Variants in SPPL3 observed in about 807,000 individuals in gnomAD.
SPPL3 encodes the protein signal peptide peptidase like 3, also known as signal peptide peptidase-like 3.
In SPPL3, 5 loss-of-function variants were observed where a neutral mutation model predicts 42.4. The ratio of observed to expected loss-of-function variants is 0.12; its 90% CI spans 0.06 to 0.25. The LOEUF (loss-of-function observed/expected upper bound fraction) is 0.25. Among genes scored for constraint, SPPL3 ranks in the 10% least tolerant of loss-of-function variants. The probability of loss-of-function intolerance (pLI) is 1.00; values close to 1 mark genes in which losing one functional copy is unlikely to be tolerated. For missense variants in SPPL3, 235 were observed against 489.0 expected, an observed-to-expected ratio of 0.48 and a Z score of 4.90; for synonymous variants, 195 against 181.8, an observed-to-expected ratio of 1.07 and a Z score of -0.58.
chr12:120,780,564 C>CA (rs1869492446), intron 6 of SPPL3, among the ~76,000 whole-genome samples: 1 of 133,222 alleles, frequency 7.5e-6, no homozygotes, highest in Non-Finnish European at 1.6e-5. Context: ...GCCTGGGCAA[C>CA]ATGAAGACAC....
At position 120,764,111 on chromosome 12, in the gene SPPL3, G is replaced by A. The variant is rs1868781931; in HGVS notation, c.*888C>T. The A allele has an allele frequency of 6.6e-6, 1 of 152,504 alleles. No homozygotes were observed. The highest frequency in any genetic ancestry group is 1.5e-5 in the Non-Finnish European group (1 of 68,044). The allele number at this position is 152,504 out of a possible 1,614,324, so 9.4% of individuals were successfully genotyped here. ...CCAAGTAAGGGCTCCTGAAGTCCAT[G>A]AGTCTATCATCAATCAGCACAAATG... On this transcript the variant is annotated 3_prime_UTR_variant, in exon 11 of 11. Coordinates refer to ENST00000353487, the MANE Select transcript of SPPL3 (RefSeq NM_139015.5).
intron 1 of SPPL3, among the ~76,000 whole-genome samples, chr12:120,884,550 T>G (rs1188294387): frequency 1.4e-5 from 2 of 143,706 alleles, no homozygotes; most frequent in Non-Finnish European, 3.0e-5. Context: ...TTGTATAATT[T>G]AAAAAAAAAA....
At chr12:120,781,555 GTTTTTTTTTTTTTTTTTTTTT>G (rs527339173) in intron 6 of SPPL3, among the ~76,000 whole-genome samples, 5 of 62,992 alleles carry the variant, frequency 7.9e-5, no homozygotes, top group African/African-American at 2.7e-4. Context: ...TTATTGTTAC[GTTTTTTTTTTTTTTTTTTTTT>G]TTTTTTTTTT....
intron 1 of SPPL3, among the ~76,000 whole-genome samples, chr12:120,869,325 G>C (rs1872853377): frequency 1.3e-5 from 2 of 152,122 alleles, no homozygotes. Flanking sequence ...CTCACTCCTT[G>C]ATTTACACAA....
chr12:120,890,893 C>T (rs972091237), intron 1 of SPPL3, among the ~76,000 whole-genome samples: 1 of 152,172 alleles, frequency 6.6e-6, no homozygotes, highest in African/African-American at 2.4e-5. Context: ...CCGATGCTCT[C>T]AACAGCTAAC....
intron 3 of SPPL3, among the ~76,000 whole-genome samples, chr12:120,789,143 T>C (rs898435943): frequency 6.6e-6 from 1 of 152,188 alleles, no homozygotes; most frequent in South Asian, 2.1e-4. Flanking sequence ...TAGTACAACA[T>C]AGCTGGCAGA....
At chr12:120,827,659 C>T (rs937032440) in intron 1 of SPPL3, among the ~76,000 whole-genome samples, 9 of 152,200 alleles carry the variant, frequency 5.9e-5, no homozygotes, top group Non-Finnish European at 8.8e-5. Context: ...CTAGCTCAAC[C>T]TGGCTTGTGC....
chr12:120,783,161 C>T (rs973782724), intron 5 of SPPL3, among the ~76,000 whole-genome samples: 1 of 152,148 alleles, frequency 6.6e-6, no homozygotes, highest in African/African-American at 2.4e-5. Flanking sequence ...ATCACTAATT[C>T]CTGCGAGCAT....
chr12:120,794,280 T>C (rs1870024081), intron 2 of SPPL3, among the ~76,000 whole-genome samples: 1 of 152,208 alleles, frequency 6.6e-6, no homozygotes, highest in Non-Finnish European at 1.5e-5. Context: ...CTATTTTTTT[T>C]TTAATCCTAA....
At chr12:120,832,371 A>C (rs922513791) in intron 1 of SPPL3, among the ~76,000 whole-genome samples, 1 of 152,152 alleles carries the variant, frequency 6.6e-6, no homozygotes, top group Non-Finnish European at 1.5e-5. Flanking sequence ...CCACCTCTTA[A>C]AGAAAATGAG....
At chr12:120,785,660 TCTATAATAATG>T (rs1869696316) in intron 3 of SPPL3, among the ~76,000 whole-genome samples, 1 of 151,814 alleles carries the variant, frequency 6.6e-6, no homozygotes, top group African/African-American at 2.4e-5. Context: ...CTTCATATGA[TCTATAATAATG>T]AAATAATAGA....
chr12:120,797,089 C>G (rs775898832), intron 2 of SPPL3, among the ~76,000 whole-genome samples: 1 of 152,130 alleles, frequency 6.6e-6, no homozygotes, highest in Non-Finnish European at 1.5e-5. Context: ...ATTTCTTGAA[C>G]CCGGGAGGTG....
chr12:120,826,048 C>G (rs2137012959), intron 1 of SPPL3, among the ~76,000 whole-genome samples: 1 of 152,200 alleles, frequency 6.6e-6, no homozygotes, highest in Middle Eastern at 3.4e-3. Flanking sequence ...AATCCCAGCA[C>G]TTTGGGAGGC....
At chr12:120,890,588 CAAA>C (rs34253596) in intron 1 of SPPL3, among the ~76,000 whole-genome samples, 5,010 of 91,296 alleles carry the variant, frequency 0.055, 108 homozygotes, top group South Asian at 0.14. Context: ...GACTCCGTCT[CAAA>C]AAAAAAAAAA....
intron 1 of SPPL3, among the ~76,000 whole-genome samples, chr12:120,870,470 T>C (rs1014508011): frequency 1.3e-5 from 2 of 151,654 alleles, no homozygotes; most frequent in Non-Finnish European, 2.9e-5. Context: ...GATACAAAGA[T>C]AAATGCAAAA....
chr12:120,835,748 C>A (rs1177067629), intron 1 of SPPL3: 1 of 152,142 alleles, frequency 6.6e-6, no homozygotes, highest in Non-Finnish European at 1.5e-5. Flanking sequence ...CATATACAAG[C>A]CCCTGCTATT....
At chr12:120,867,640 C>T (rs930270266) in intron 1 of SPPL3, among the ~76,000 whole-genome samples, 3 of 107,648 alleles carry the variant, frequency 2.8e-5, no homozygotes, top group Non-Finnish European at 3.9e-5. Context: ...GGCTACAGAG[C>T]GAGACTCTGT....
At chr12:120,784,449 A>T in intron 4 of SPPL3, 25 bp downstream of exon 4, 2 of 1,574,070 alleles carry the variant, frequency 1.3e-6, no homozygotes, top group Non-Finnish European at 1.7e-6. Flanking sequence ...GTATGTTAAG[A>T]CTAGACAGAG....
In SPPL3 at chr12:120,768,385, C is replaced by A. The variant is rs1868986158; in HGVS notation, c.713G>T (p.Gly238Val). The A allele has an allele frequency of 6.2e-7, 1 of 1,614,056 alleles. No individual in the cohort carries two copies. Among genetic ancestry groups the A allele is most frequent in the African/African-American group, 1.3e-5 (1 of 74,912 alleles). The change falls in exon 8 of 11, where the codon GGG becomes GTG. Residue 238 changes from glycine to valine, a missense_variant. Coordinates refer to ENST00000353487, the MANE Select transcript of SPPL3 (RefSeq NM_139015.5). Reference protein sequence around the residue: ...LDVLSRKLHLGPNVGRDVPRL... With the variant: ...LDVLSRKLHLVPNVGRDVPRL... The stretch of plus-strand genomic sequence containing the variant: ...AGGAACATCACGCCCAACATTGGGC[C>A]CCAGGTGGAGCTTCCGGGATAGAAC...
Sources: allele counts gnomAD v4.1 joint callset (sites outside exome capture counted in the v4.1 genomes callset), GRCh38; gene constraint gnomAD v4.1.1; transcripts MANE v1.5; gene names NCBI Gene and HGNC (gene_info 2026-07-23, HGNC 2026-07-21).